ENY2: variants seen among roughly 807,000 people sequenced by gnomAD.
ENY2 encodes ENY2 transcription and export complex 2 subunit.
In ENY2, 4 loss-of-function variants were observed where a neutral mutation model predicts 15.9. The ratio of observed to expected loss-of-function variants is 0.25; its 90% confidence interval spans 0.12 to 0.57. The LOEUF (loss-of-function observed/expected upper bound fraction) is 0.57. Ranked by LOEUF, ENY2 falls within the 20% of genes least tolerant of loss-of-function variation. The pLI, the probability that ENY2 is intolerant of heterozygous loss-of-function variation, is 0.91. For synonymous variants in ENY2, 48 were observed against 38.0 expected, an observed-to-expected ratio of 1.26 and a Z score of -0.97; for missense variants, 54 against 117.2, an observed-to-expected ratio of 0.46 and a Z score of 2.49.
In ENY2 at chr8:109,339,367, A is replaced by T; in HGVS notation, c.131A>T (p.Asp44Val). ...AAATTAATTGAATGTGGCTGGAAGG[A>T]TCAGTTGAAGGCACACTGTAAAGGT... ...RAKLIECGWK[D>V]QLKAHCKEVI... is the part of the protein sequence containing the mutation. The change falls in exon 3 of 5, where the codon GAT becomes GTT. Residue 44 changes from aspartate to valine, a missense_variant. Asp to Val is a radical substitution (Grantham distance 152). Transcript: ENST00000521688. 1 of 1,613,952 alleles carries T rather than the reference A, an allele frequency of 6.2e-7. No homozygotes were observed. Among genetic ancestry groups the T allele is most frequent in the Non-Finnish European group, 8.5e-7 (1 of 1,179,872 alleles).
At chr8:109,339,133 G>T in intron 2 of ENY2, 187 bp from the exon 3 acceptor site, 1 of 576,998 alleles carries the variant, frequency 1.7e-6, no homozygotes, top group Non-Finnish European at 3.1e-6. Flanking sequence ...TGAAATGAAA[G>T]GCCTAGAATT....
At position 109,334,425 on chromosome 8, in the gene ENY2, A is replaced by G. The variant is rs1178385957; in HGVS notation, c.-44A>G. ...GTGGTAGGTAACGGTCCTCAGCGCAAGGGTCATTTCGTCGCTGGGAAGGGA... is the reference window on the plus strand; with the variant it reads ...GTGGTAGGTAACGGTCCTCAGCGCAGGGGTCATTTCGTCGCTGGGAAGGGA... On this transcript the variant is annotated 5_prime_UTR_variant, in exon 1 of 5. Coordinates refer to ENST00000521688, the MANE Select transcript of ENY2 (RefSeq NM_020189.6). 1 of 1,613,820 alleles carries G rather than the reference A, an allele frequency of 6.2e-7. No homozygotes were observed. Among genetic ancestry groups the G allele is most frequent in the Non-Finnish European group, 8.5e-7 (1 of 1,179,888 alleles).
chr8:109,334,391 C>A lies in ENY2; in HGVS notation c.-78C>A. On this transcript the variant is annotated 5_prime_UTR_variant, in exon 1 of 5. Coordinates refer to ENST00000521688, the MANE Select transcript of ENY2 (RefSeq NM_020189.6). ...CTACTGAGGGTCTAAGTCCGGGCAGCCGAAGAGTGTGGTAGGTAACGGTCC... is the reference window on the plus strand; with the variant it reads ...CTACTGAGGGTCTAAGTCCGGGCAGACGAAGAGTGTGGTAGGTAACGGTCC... The A allele has an allele frequency of 6.2e-7, 1 of 1,606,938 alleles. No homozygotes were observed. The highest frequency in any genetic ancestry group is 1.7e-5 in the Admixed American group (1 of 59,400).
chr8:109,336,148 T>C lies in ENY2; in HGVS notation c.27T>C (p.Asp9=). Residue 9 remains aspartate (D), a synonymous_variant, in exon 2 of 5, where the codon GAT becomes GAC. Coordinates refer to ENST00000521688, the MANE Select transcript of ENY2 (RefSeq NM_020189.6). ...TCCAGGTTAGCAAGATGAACAAAGA[T>C]GCGCAGATGAGAGCAGCGATTAACC... MVVSKMNK[D]AQMRAAINQK... is the part of the protein sequence containing the mutation. The C allele has an allele frequency of 6.2e-7, 1 of 1,613,620 alleles. No homozygotes were observed. The highest frequency in any genetic ancestry group is 8.5e-7 in the Non-Finnish European group (1 of 1,179,642).
At chr8:109,337,355 GT>G (rs59215219) in intron 2 of ENY2, among the ~76,000 whole-genome samples, 86,484 of 147,706 alleles carry the variant, frequency 0.59, 25,304 homozygotes, top group African/African-American at 0.66. Flanking sequence ...ATTGTATGTT[GT>G]TTTTTTTTTT....
intron 4 of ENY2, among the ~76,000 whole-genome samples, chr8:109,342,023 TTAAAC>T (rs1816123364): frequency 6.6e-6 from 1 of 152,216 alleles, no homozygotes. Context: ...GTAGGTTGGC[TTAAAC>T]TAAACAGTTT....
intron 1 of ENY2, 194 bp from the exon 2 acceptor site, chr8:109,335,934 G>A (rs1815970611): frequency 2.4e-6 from 1 of 414,782 alleles, no homozygotes; most frequent in Admixed American, 4.3e-5. Context: ...TTAAAAAAAA[G>A]CAAACCCACA....
chr8:109,341,465 T>A, intron 4 of ENY2, among the ~76,000 whole-genome samples: 1 of 152,044 alleles, frequency 6.6e-6, no homozygotes, highest in East Asian at 1.9e-4. Context: ...GGAAAAAAAA[T>A]TATTATTCCC....
intron 4 of ENY2, 104 bp downstream of exon 4, chr8:109,340,667 C>A: frequency 7.0e-7 from 1 of 1,426,240 alleles, no homozygotes; most frequent in East Asian, 2.5e-5. Flanking sequence ...AAAAGCACTA[C>A]CTGTGTTGCC....
intron 4 of ENY2, chr8:109,342,704 A>G (rs1046658919): frequency 1.6e-5 from 11 of 697,862 alleles, no homozygotes; most frequent in African/African-American, 1.1e-4. Context: ...AGGTTTCGCC[A>G]TGTTGCCCAG....
chr8:109,342,561 G>C (rs1417564649), intron 4 of ENY2: 10 of 506,532 alleles, frequency 2.0e-5, no homozygotes. Context: ...CGAGGATGGA[G>C]TGCGGTGGCA....
rs751020247 is a variant in ENY2, at chr8:109,339,304, A to G, written c.84-16A>G. The stretch of plus-strand genomic sequence containing the variant: ...GTTATACATTGTTCAATTTGAAAAC[A>G]CTTCTGTTTCAACAGCCTCAAAGAG... On this transcript the variant is annotated splice_polypyrimidine_tract_variant and intron_variant, in intron 2 of 4. Transcript: ENST00000521688. 3 of 1,612,524 alleles carry G rather than the reference A, an allele frequency of 1.9e-6. No individual in the cohort carries two copies. The highest frequency in any genetic ancestry group is 1.7e-6 in the Non-Finnish European group (2 of 1,178,778).
chr8:109,339,165 A>G (rs1816061076), intron 2 of ENY2, 155 bp from the exon 3 acceptor site: 1 of 618,448 alleles, frequency 1.6e-6, no homozygotes, highest in African/African-American at 1.8e-5. Flanking sequence ...ATGAGATCAA[A>G]GAACTATTTA....
chr8:109,341,224 T>C (rs1017573001), intron 4 of ENY2, among the ~76,000 whole-genome samples: 6 of 152,180 alleles, frequency 3.9e-5, no homozygotes, highest in Admixed American at 3.3e-4. Flanking sequence ...GTTGGGGTTG[T>C]AACTGGAAGG....
intron 1 of ENY2, 81 bp from the exon 2 acceptor site, chr8:109,336,047 A>T (rs1287386489): frequency 1.5e-5 from 19 of 1,273,760 alleles, no homozygotes; most frequent in Non-Finnish European, 2.1e-5. Context: ...AATGGTAAAC[A>T]TGTTAGGATG....
chr8:109,340,557 G>T lies in ENY2; in HGVS notation c.223G>T (p.Gly75Cys). The change falls in exon 4 of 5, where the codon GGC (glycine) becomes TGC (cysteine). Residue 75 changes from glycine to cysteine, a missense_variant. Gly to Cys is a radical substitution (Grantham distance 159). Coordinates refer to ENST00000521688, the MANE Select transcript of ENY2 (RefSeq NM_020189.6). The stretch of plus-strand genomic sequence containing the variant: ...CTTGGTGGCTGAAATCACTCCAAAA[G>T]GCAGAGGTAAGGAATACAGAGTTTG... ...DDLVAEITPK[G>C]RALVPDSVKK... is the part of the protein sequence containing the mutation. 6.2e-7 allele frequency: 1 copy of T among 1,613,418 alleles called. No individual in the cohort carries two copies. Among genetic ancestry groups the T allele is most frequent in the East Asian group, 2.2e-5 (1 of 44,788 alleles).
intron 1 of ENY2, 21 bp from the exon 2 acceptor site, chr8:109,336,107 A>C: frequency 6.2e-7 from 1 of 1,611,202 alleles, no homozygotes; most frequent in Non-Finnish European, 8.5e-7. Flanking sequence ...TCTATATCTG[A>C]AAGTACATGT....
Position 109,343,656 on chromosome 8 carries a change from C to A in ENY2, c.*175C>A. On this transcript the variant is annotated 3_prime_UTR_variant, in exon 5 of 5. Coordinates refer to ENST00000521688, the MANE Select transcript of ENY2 (RefSeq NM_020189.6). ...AAATGTGTTATTTTAATAAATATCT[C>A]ATGAATGAGTTTGAAGTTTGCTTGG... 1 of 515,482 alleles carries A rather than the reference C, an allele frequency of 1.9e-6. No homozygotes were observed. The highest frequency in any genetic ancestry group is 3.3e-5 in the South Asian group (1 of 30,262). 31.9% of individuals were successfully genotyped at this position (515,482 alleles called of 1,614,324 possible). A position where few individuals can be genotyped will look rare whatever the true frequency, so the allele number is the denominator to read the frequency against.
intron 4 of ENY2, chr8:109,342,856 C>A: frequency 1.8e-6 from 1 of 559,342 alleles, no homozygotes; most frequent in Non-Finnish European, 3.2e-6. Context: ...GTAAAATATG[C>A]TATGTAAATG....
Sources: allele counts gnomAD v4.1 joint callset (sites outside exome capture counted in the v4.1 genomes callset), GRCh38; gene constraint gnomAD v4.1.1; transcripts MANE v1.5; gene names NCBI Gene and HGNC (gene_info 2026-07-23, HGNC 2026-07-21).